Variants in CFAP45 observed in about 807,000 individuals in gnomAD.
CFAP45 encodes cilia- and flagella-associated protein 45.
In CFAP45, 43 loss-of-function variants were observed where a neutral mutation model predicts 75.6. The ratio of observed to expected loss-of-function variants is 0.57; its 90% confidence interval spans 0.45 to 0.73. The LOEUF is 0.73. Ranked by LOEUF, CFAP45 falls within the 30% of genes least tolerant of loss-of-function variation. The pLI is 0.00. For synonymous variants in CFAP45, 223 were observed against 244.6 expected (o/e 0.91, Z 0.82); for missense variants, 689 against 701.5 (o/e 0.98, Z 0.20).
intron 1 of CFAP45, among the ~76,000 whole-genome samples, chr1:159,893,652 TAC>T (rs1425617550): frequency 3.3e-5 from 5 of 152,082 alleles, no homozygotes; most frequent in Non-Finnish European, 5.9e-5. Context: ...AGTGCGCAGT[TAC>T]AGTTAGATAG....
chr1:159,888,074 G>C, intron 4 of CFAP45, 63 bp from the exon 5 acceptor site: 5 of 1,552,150 alleles, frequency 3.2e-6, no homozygotes, highest in Non-Finnish European at 2.6e-6. Flanking sequence ...CTGGGCGCTA[G>C]CCTGGCTACC....
Position 159,876,620 on chromosome 1 carries a change from A to C in CFAP45, c.1288T>G (p.Phe430Val). 2 of 1,614,158 alleles carry C rather than the reference A, an allele frequency of 1.2e-6. No individual in the cohort carries two copies. Among genetic ancestry groups the C allele is most frequent in the South Asian group, 2.2e-5 (2 of 91,076 alleles). Reference sequence around the variant, plus strand: ...TGAACAGCCAGAGCGTGCTCCTTGAAAGCCACCTGTTCGAGCCGACTTTTT... The same window carrying C: ...TGAACAGCCAGAGCGTGCTCCTTGACAGCCACCTGTTCGAGCCGACTTTTT... ...LRKSRLEQVA[F>V]KEHALAVQVQ... Residue 430 changes from phenylalanine to valine, a missense_variant, in exon 10 of 12, where the codon TTC becomes GTC. Phe to Val is a conservative substitution (Grantham distance 50). Transcript: ENST00000368099.
At chr1:159,895,729 AGCT>A (rs1490732806) in intron 1 of CFAP45, among the ~76,000 whole-genome samples, 1 of 152,212 alleles carries the variant, frequency 6.6e-6, no homozygotes, top group African/African-American at 2.4e-5. Flanking sequence ...GTAGGTGGTG[AGCT>A]ACGGCTCCCC....
At chr1:159,872,709 C>A in intron 11 of CFAP45, 146 bp from the exon 12 acceptor site, 1 of 804,074 alleles carries the variant, frequency 1.2e-6, no homozygotes, top group Non-Finnish European at 2.0e-6. Flanking sequence ...AACACACATT[C>A]ATGCCAAGGC....
chr1:159,874,552 A>G (rs535649462), intron 10 of CFAP45, among the ~76,000 whole-genome samples: 14 of 152,240 alleles, frequency 9.2e-5, no homozygotes, highest in Admixed American at 8.5e-4. Flanking sequence ...TTGTTTTCCT[A>G]TATTTAGAAC....
chr1:159,883,092 C>T (rs1649586837), intron 7 of CFAP45, among the ~76,000 whole-genome samples: 1 of 152,156 alleles, frequency 6.6e-6, no homozygotes. Flanking sequence ...TCACTCACCA[C>T]CATCAAATGC....
chr1:159,886,408 C>A, intron 6 of CFAP45, 103 bp downstream of exon 6: 1 of 987,628 alleles, frequency 1.0e-6, no homozygotes, highest in Middle Eastern at 2.2e-4. Context: ...AAGTAGATGA[C>A]AATAATGACC....
intron 4 of CFAP45, 104 bp downstream of exon 4, chr1:159,888,248 T>C (rs891161208): frequency 4.9e-6 from 6 of 1,235,094 alleles, no homozygotes; most frequent in Non-Finnish European, 6.9e-6. Context: ...CTTCATTAAG[T>C]ACATAATTTG....
At chr1:159,893,869 A>G (rs554494435) in intron 1 of CFAP45, among the ~76,000 whole-genome samples, 1 of 151,344 alleles carries the variant, frequency 6.6e-6, no homozygotes, top group African/African-American at 2.4e-5. Context: ...TACTATATAT[A>G]AATGTATATT....
At chr1:159,894,790 T>C (rs1221942245) in intron 1 of CFAP45, among the ~76,000 whole-genome samples, 1 of 152,202 alleles carries the variant, frequency 6.6e-6, no homozygotes, top group African/African-American at 2.4e-5. Flanking sequence ...GGCCCTGGAC[T>C]GACAATGACT....
chr1:159,885,696 G>C (rs976626012), intron 6 of CFAP45, among the ~76,000 whole-genome samples: 2 of 152,130 alleles, frequency 1.3e-5, no homozygotes, highest in Non-Finnish European at 2.9e-5. Flanking sequence ...GGACCTGTCC[G>C]CAATGAGCGT....
chr1:159,883,324 T>C (rs888880796), intron 7 of CFAP45, among the ~76,000 whole-genome samples: 1 of 151,068 alleles, frequency 6.6e-6, no homozygotes. Flanking sequence ...GGGGGAACTC[T>C]TCTAGATCAA....
chr1:159,892,246 C>T (rs534665926), intron 2 of CFAP45, among the ~76,000 whole-genome samples: 2 of 152,240 alleles, frequency 1.3e-5, no homozygotes, highest in East Asian at 3.9e-4. Context: ...GAGACTGTAC[C>T]ATTGCACTCC....
intron 11 of CFAP45, 103 bp from the exon 12 acceptor site, chr1:159,872,666 C>T (rs909303726): frequency 1.5e-5 from 15 of 999,756 alleles, no homozygotes; most frequent in Non-Finnish European, 2.2e-5. Flanking sequence ...GGGGCCTGCA[C>T]CCCCCAACCC....
At chr1:159,880,908 T>C (rs556224700) in intron 7 of CFAP45, among the ~76,000 whole-genome samples, 197 of 152,340 alleles carry the variant, frequency 1.3e-3, no homozygotes, top group African/African-American at 4.3e-3. Context: ...TTCATCCAAC[T>C]TGACTTTGTG....
chr1:159,881,026 C>T (rs1404702020), intron 7 of CFAP45, among the ~76,000 whole-genome samples: 3 of 152,202 alleles, frequency 2.0e-5, no homozygotes, highest in Non-Finnish European at 2.9e-5. Flanking sequence ...TGTGGCTTTG[C>T]TCATGGTGCT....
intron 1 of CFAP45, among the ~76,000 whole-genome samples, chr1:159,896,926 G>T (rs1649963197): frequency 6.6e-6 from 1 of 152,204 alleles, no homozygotes; most frequent in South Asian, 2.1e-4. Flanking sequence ...ATTGATATAG[G>T]ATGATCTCCA....
At chr1:159,897,304 C>A (rs1046133995) in intron 1 of CFAP45, among the ~76,000 whole-genome samples, 2 of 151,250 alleles carry the variant, frequency 1.3e-5, no homozygotes, top group Admixed American at 1.3e-4. Context: ...GTATTCTTGG[C>A]CAGGCATGGT....
Position 159,878,753 on chromosome 1 carries a change from T to TA in CFAP45, c.1045-1292dup, listed in dbSNP as rs539116292. ...CCTAGTGACAGAGCAAGACTACATC[T>TA]AAAAAAAAAAAAAAAAAAAAAAAAA... is the stretch of plus-strand genomic sequence containing the variant. On this transcript the variant is annotated intron_variant, in intron 8 of 11. Transcript: ENST00000368099. Among the ~76,000 whole-genome samples, 178 of 32,480 alleles carry TA rather than the reference T, an allele frequency of 5.5e-3. 13 individuals are homozygous for TA. Among genetic ancestry groups the TA allele is most frequent in the East Asian group, 9.9e-3 (3 of 304 alleles). The allele number at this position is 32,480 out of a possible 152,430, so 21.3% of individuals were successfully genotyped here.
Sources: gnomAD v4.1 joint callset for allele counts (sites outside exome capture counted in the v4.1 genomes callset) on GRCh38, gnomAD v4.1.1 for gene constraint, MANE v1.5 for transcripts, NCBI Gene and HGNC (gene_info 2026-07-23, HGNC 2026-07-21) for gene names.